Variants in CEL observed in about 807,000 individuals in gnomAD.
The protein encoded by CEL is carboxyl ester lipase, also known as bile salt-activated lipase.
In CEL, 39 loss-of-function variants were observed where a neutral mutation model predicts 57.1. The observed-to-expected ratio is 0.68, with a 90% CI of 0.53 to 0.89. The LOEUF is 0.89. Ranked by LOEUF, CEL falls within the 40% of genes least tolerant of loss-of-function variation. CEL has a pLI of 0.00. For missense variants in CEL, 698 were observed against 915.0 expected, an observed-to-expected ratio of 0.76 and a Z score of 3.06; for synonymous variants, 314 against 396.6, an observed-to-expected ratio of 0.79 and a Z score of 2.48.
chr9:133,065,240 G>T lies in CEL; in HGVS notation c.538+3G>T, dbSNP rs967991125. The T allele has an allele frequency of 1.2e-6, 2 of 1,612,540 alleles. No homozygotes were observed. The highest frequency in any genetic ancestry group is 3.3e-5 in the Admixed American group (2 of 60,034). ...CACTGGGGACGCCAATCTGCCAGGT[G>T]CGTGGGTGCCTTCGGCCCTGAGGTG... On this transcript the variant is annotated splice_donor_region_variant and intron_variant, in intron 4 of 10. Transcript: ENST00000372080.
Position 133,070,621 on chromosome 9 carries a change from G to A in CEL, c.1447G>A (p.Ala483Thr). The A allele has an allele frequency of 1.2e-6, 2 of 1,614,214 alleles. No individual in the cohort carries two copies. Among genetic ancestry groups the A allele is most frequent in the Non-Finnish European group, 8.5e-7 (1 of 1,180,036 alleles). The change falls in exon 10 of 11, where the codon GCC becomes ACC. Residue 483 changes from alanine to threonine, a missense_variant. Ala to Thr is a moderately conservative substitution (Grantham distance 58). Around this residue, in one of 6 missense-constraint regions of CEL, gnomAD observed 111 missense variants for 147.3 expected, o/e 0.75. Coordinates refer to ENST00000372080, the MANE Select transcript of CEL (RefSeq NM_001807.6). The stretch of plus-strand genomic sequence containing the variant: ...GCCCCAAGACAGGACAGTCTCTAAG[G>A]CCATGATCGCCTACTGGACCAACTT... ...YRPQDRTVSKAMIAYWTNFAK... is the reference protein window; with the variant it reads ...YRPQDRTVSKTMIAYWTNFAK...
In CEL at chr9:133,068,712, T is replaced by C. The variant is rs1392768034; in HGVS notation, c.936T>C (p.Asp312=). The C allele has an allele frequency of 6.2e-7, 1 of 1,608,906 alleles. No homozygotes were observed. Among genetic ancestry groups the C allele is most frequent in the East Asian group, 2.2e-5 (1 of 44,638 alleles). ...LHYVGFVPVI[D]GDFIPADPIN... ...ATGTGGGCTTCGTCCCTGTCATTGA[T>C]GGAGACTTCATCCCCGCTGACCCGA... Residue 312 remains aspartate (D), a synonymous_variant, in exon 8 of 11, where the codon GAT becomes GAC. Transcript: ENST00000372080.
chr9:133,066,657 G>A lies in CEL; in HGVS notation c.666G>A (p.Leu222=), dbSNP rs750120148. Residue 222 remains leucine, a synonymous_variant, in exon 5 of 11, where the codon CTG becomes CTA. Transcript: ENST00000372080. The surrounding 1 kb of genome is among the most constrained non-coding windows in gnomAD (Gnocchi z 4.3). ...GESAGGASVS[L]QTLSPYNKGL... ...CTGCTGGAGGTGCCAGCGTCTCTCT[G>A]CAGGTCTCGGGATCCCTGTGGGGAG... 23 of 1,613,092 alleles carry A rather than the reference G, an allele frequency of 1.4e-5. No individual in the cohort carries two copies. The highest frequency in any genetic ancestry group is 1.9e-5 in the Non-Finnish European group (23 of 1,179,664).
Position 133,066,956 on chromosome 9 carries a change from G to T in CEL, c.777+11G>T. 3 of 1,557,124 alleles carry T rather than the reference G, an allele frequency of 1.9e-6. No homozygotes were observed. The highest frequency in any genetic ancestry group is 1.4e-5 in the African/African-American group (1 of 73,556). ...TTCTGGGCCAAAAAGGTAAACGGAG[G>T]AGGGCAGGGCTGGGCGGGGTGGGGG... On this transcript the variant is annotated intron_variant, in intron 6 of 10. Transcript: ENST00000372080. This position sits in a 1 kb window ranked among gnomAD's most constrained non-coding sequence, Gnocchi z 4.3.
intron 7 of CEL, among the ~76,000 whole-genome samples, 153 bp downstream of exon 7, chr9:133,067,358 G>C (rs1231776441): frequency 6.6e-6 from 1 of 152,078 alleles, no homozygotes; most frequent in Non-Finnish European, 1.5e-5. Flanking sequence ...GGCCCCAGCT[G>C]TAAGGGAGAG....
chr9:133,064,773 C>T lies in CEL; in HGVS notation c.340+11C>T, dbSNP rs762221497. 6 of 1,613,862 alleles carry T rather than the reference C, an allele frequency of 3.7e-6. No individual in the cohort carries two copies. The South Asian group carries it at 6.6e-5, about 18-fold the overall frequency. ...AGGGCAGGAAGCAAGGTCTGCCTCC[C>T]CTCTACTCCCCAAGGGACCCTCCCA... is the stretch of plus-strand genomic sequence containing the variant. On this transcript the variant is annotated intron_variant, in intron 3 of 10. Coordinates refer to ENST00000372080, the MANE Select transcript of CEL (RefSeq NM_001807.6).
chr9:133,067,582 C>T (rs934172260), intron 7 of CEL, among the ~76,000 whole-genome samples: 2 of 152,148 alleles, frequency 1.3e-5, no homozygotes, highest in Admixed American at 6.5e-5. Context: ...ATCGTGTTAG[C>T]TAGGATGATC....
In CEL at chr9:133,064,385, GCC is replaced by G; in HGVS notation, c.67-17_67-16del. The G allele has an allele frequency of 6.2e-7, 1 of 1,613,098 alleles. No individual in the cohort carries two copies. Among genetic ancestry groups the G allele is most frequent in the East Asian group, 2.2e-5 (1 of 44,874 alleles). The stretch of plus-strand genomic sequence containing the variant: ...ATGGGGCTTGAGCCCCCCTGACCCT[GCC>G]CGTGTCTCCCTCGCAGCTGGGCGCC... On this transcript the variant is annotated splice_polypyrimidine_tract_variant and intron_variant, in intron 1 of 10. Transcript: ENST00000372080.
Position 133,066,366 on chromosome 9 carries a change from C to T in CEL, c.539-164C>T, listed in dbSNP as rs1232959262. On this transcript the variant is annotated intron_variant, in intron 4 of 10. Transcript: ENST00000372080. This position sits in a 1 kb window ranked among gnomAD's most constrained non-coding sequence, Gnocchi z 4.3. ...CTGGGGACCCACCCCCTCCAGCACCCTACCCGACCCAGCTTCTTAGGGACC... is the reference window on the plus strand; with the variant it reads ...CTGGGGACCCACCCCCTCCAGCACCTTACCCGACCCAGCTTCTTAGGGACC... Among the ~76,000 whole-genome samples the T allele has an allele frequency of 4.6e-5, 7 of 152,142 alleles. No individual in the cohort carries two copies.
chr9:133,064,713 TGAA>T lies in CEL; in HGVS notation c.294_296del (p.Glu98del). 1 of 1,614,126 alleles carries T rather than the reference TGAA, an allele frequency of 6.2e-7. No individual in the cohort carries two copies. ...TCACCCAGGACAGCACCTACGGGGA[TGAA>T]GACTGCCTGTACCTCAACATTTGGG... On this transcript the variant is annotated inframe_deletion, in exon 3 of 11. Coordinates refer to ENST00000372080, the MANE Select transcript of CEL (RefSeq NM_001807.6).
In CEL at chr9:133,070,988, G is replaced by C; in HGVS notation, c.1486G>C (p.Asp496His). Reference sequence around the variant, plus strand: ...GCACAGCCTCTTCTCACTCTGCAGGGACCCCAACATGGGCGACTCGGCTGT... The same window carrying C: ...GCACAGCCTCTTCTCACTCTGCAGGCACCCCAACATGGGCGACTCGGCTGT... ...AYWTNFAKTG[D>H]PNMGDSAVPT... Residue 496 changes from aspartate to histidine, a missense_variant and splice_region_variant, in exon 11 of 11, where the codon GAC becomes CAC. Asp to His is a moderately conservative substitution (Grantham distance 81, BLOSUM62 -1). Transcript: ENST00000372080. 1 of 1,613,486 alleles carries C rather than the reference G, an allele frequency of 6.2e-7. No homozygotes were observed. The highest frequency in any genetic ancestry group is 2.2e-5 in the East Asian group (1 of 44,848).
In CEL at chr9:133,071,703, C is replaced by T; in HGVS notation, c.2201C>T (p.Ala734Val). 6.2e-7 allele frequency: 1 copy of T among 1,610,740 alleles called. No individual in the cohort carries two copies. Among genetic ancestry groups the T allele is most frequent in the Non-Finnish European group, 8.5e-7 (1 of 1,178,298 alleles). ...CCCCCCACGGGTGACTCTGAGGCTG[C>T]CCCTGTGCCCCCCACAGATGACTCC... ...PVPPTGDSEA[A>V]PVPPTDDSKE... The change falls in exon 11 of 11, where the codon GCC (alanine) becomes GTC (valine). Residue 734 changes from alanine (A) to valine (V), a missense_variant. Coordinates refer to ENST00000372080, the MANE Select transcript of CEL (RefSeq NM_001807.6).
chr9:133,068,081 A>C (rs918852002), intron 7 of CEL, among the ~76,000 whole-genome samples: 6 of 152,234 alleles, frequency 3.9e-5, no homozygotes, highest in Non-Finnish European at 5.9e-5. Context: ...GGGCTGGACA[A>C]GCCCAAACAA....
chr9:133,067,259 G>C, intron 7 of CEL, 54 bp downstream of exon 7: 1 of 1,498,452 alleles, frequency 6.7e-7, no homozygotes, highest in Non-Finnish European at 9.3e-7. Flanking sequence ...GTTGAGGGGG[G>C]TACTGCCAGG....
Position 133,064,426 on chromosome 9 carries a change from G to T in CEL, c.89G>T (p.Gly30Val), listed in dbSNP as rs771241431. 1.2e-6 allele frequency: 2 copies of T among 1,614,006 alleles called. No individual in the cohort carries two copies. Among genetic ancestry groups the T allele is most frequent in the Non-Finnish European group, 1.7e-6 (2 of 1,180,038 alleles). Residue 30 changes from glycine to valine, a missense_variant, in exon 2 of 11, where the codon GGT becomes GTT. Gly to Val is a moderately radical substitution (Grantham distance 109). Around this residue, in one of 6 missense-constraint regions of CEL, gnomAD observed 327 missense variants for 374.1 expected, o/e 0.87. Transcript: ENST00000372080. ...CAGCTGGGCGCCGTGTACACAGAAG[G>T]TGGGTTCGTGGAAGGCGTCAATAAG... ...AAKLGAVYTE[G>V]GFVEGVNKKL...
chr9:133,065,333 G>A, intron 4 of CEL, 96 bp downstream of exon 4: 1 of 1,393,732 alleles, frequency 7.2e-7, no homozygotes, highest in East Asian at 2.3e-5. Flanking sequence ...ACAACCAGTG[G>A]CGGTTCACAG....
Position 133,064,957 on chromosome 9 carries a change from C to T in CEL, c.341-83C>T, listed in dbSNP as rs904614219. 2.0e-5 allele frequency: 32 copies of T among 1,577,360 alleles called. No homozygotes were observed. Among genetic ancestry groups the T allele is most frequent in the Non-Finnish European group, 2.1e-5 (24 of 1,154,774 alleles). ...AGCACCTCCCTGTCTTGGCCCCAGG[C>T]ACCTGCTGCACAGGGACAGGGGACC... is the stretch of plus-strand genomic sequence containing the variant. On this transcript the variant is annotated intron_variant, in intron 3 of 10. Transcript: ENST00000372080.
At chr9:133,063,059 C>G (rs34519053) in intron 1 of CEL, among the ~76,000 whole-genome samples, 19,208 of 117,520 alleles carry the variant, frequency 0.16, 262 homozygotes, top group Non-Finnish European at 0.23. Flanking sequence ...AGATCCCAAC[C>G]ACGCTGTTCT....
chr9:133,063,962 C>T (rs963240881), intron 1 of CEL, among the ~76,000 whole-genome samples: 18 of 152,126 alleles, frequency 1.2e-4, no homozygotes, highest in East Asian at 7.7e-4. Flanking sequence ...TGAAACATCC[C>T]GGGTACACTG....
Sources: allele counts gnomAD v4.1 joint callset (sites outside exome capture counted in the v4.1 genomes callset), GRCh38; gene constraint gnomAD v4.1.1; regional missense constraint gnomAD v4.1.1; non-coding constraint Gnocchi (gnomAD v3.1); transcripts MANE v1.5; gene names NCBI Gene and HGNC (gene_info 2026-07-23, HGNC 2026-07-21).